Variants in PRUNE2 observed in about 807,000 individuals in gnomAD.
PRUNE2 encodes protein prune homolog 2.
Under a neutral mutation model 252.0 loss-of-function variants are expected in PRUNE2, and 164 were observed. The observed-to-expected ratio is 0.65, with a 90% CI of 0.57 to 0.74. PRUNE2 has a LOEUF of 0.74. PRUNE2 is among the 30% of genes least tolerant of loss of function. The pLI is 0.00. For synonymous variants in PRUNE2, 1,292 were observed against 1,350.2 expected (o/e 0.96, Z 0.94); for missense variants, 3,495 against 3,711.0 (o/e 0.94, Z 1.51).
rs779951568 is a variant in PRUNE2 at position 76,845,495 on chromosome 9, C to A, written c.508+1020G>T. Among the ~76,000 whole-genome samples, 10 of 152,244 alleles carry A rather than the reference C, an allele frequency of 6.6e-5. No homozygotes were observed. The South Asian group carries it at 1.2e-3, about 19-fold the overall frequency. ...GTTGAGGGCACAGTTTCCCATAGAG[C>A]GTTTTTACCGACATTCATTGCCAGG... On this transcript the variant is annotated intron_variant, in intron 4 of 18. Coordinates refer to ENST00000376718, the MANE Select transcript of PRUNE2 (RefSeq NM_015225.3).
At position 76,629,256 on chromosome 9, in the gene PRUNE2, T is replaced by C; in HGVS notation, c.9085A>G (p.Ser3029Gly). The part of the protein sequence containing the change: ...KFSSKIKYVN[S>G]LSELSGLIPM... ...ATCAGCCCACTGAGTTCTGATAAGCTATTGACATATTTAATTTTACTGCTG... is the reference window on the plus strand; with the variant it reads ...ATCAGCCCACTGAGTTCTGATAAGCCATTGACATATTTAATTTTACTGCTG... The change falls in exon 16 of 19, where the codon AGC becomes GGC. Residue 3029 changes from serine (S) to glycine (G), a missense_variant. By Grantham distance (56) the Ser-to-Gly change is moderately conservative (BLOSUM62 0). Coordinates refer to ENST00000376718, the MANE Select transcript of PRUNE2 (RefSeq NM_015225.3). 1 of 1,591,750 alleles carries C rather than the reference T, an allele frequency of 6.3e-7. No individual in the cohort carries two copies. The highest frequency in any genetic ancestry group is 1.3e-5 in the African/African-American group (1 of 74,130).
chr9:76,660,692 G>C (rs1305149289), intron 9 of PRUNE2, among the ~76,000 whole-genome samples: 1 of 146,360 alleles, frequency 6.8e-6, no homozygotes, highest in Non-Finnish European at 1.5e-5. Flanking sequence ...TGAGGCAGAA[G>C]AATCACCTGA....
intron 1 of PRUNE2, among the ~76,000 whole-genome samples, chr9:76,855,082 A>AAAAAAAAAAAAAATATATATATAT (rs1490285240): frequency 9.1e-6 from 1 of 109,414 alleles, no homozygotes; most frequent in African/African-American, 3.9e-5. Context: ...AAAAAAAAAA[A>AAAAAAAAAAAAAATATATATATAT]ATATATATAT....
intron 11 of PRUNE2, among the ~76,000 whole-genome samples, chr9:76,647,291 T>TA (rs1173639864): frequency 1.3e-5 from 2 of 152,256 alleles, no homozygotes; most frequent in African/African-American, 4.8e-5. Context: ...AAAGCAAAGA[T>TA]AGTCTTTTCA....
At chr9:76,683,182 G>C (rs1345012199) in intron 9 of PRUNE2, among the ~76,000 whole-genome samples, 2 of 152,174 alleles carry the variant, frequency 1.3e-5, no homozygotes, top group African/African-American at 4.8e-5. Context: ...CAGAGTCCCC[G>C]CCCCTGCCAG....
At chr9:76,713,809 AT>A in intron 6 of PRUNE2, 88 bp from the exon 7 acceptor site, 1 of 824,308 alleles carries the variant, frequency 1.2e-6, no homozygotes, top group African/African-American at 1.7e-5. Context: ...CTTATGATGT[AT>A]TTAGGAGAGA....
chr9:76,726,364 T>A (rs9314853), intron 6 of PRUNE2, among the ~76,000 whole-genome samples: 27,686 of 151,966 alleles, frequency 0.18, 2,942 homozygotes, highest in East Asian at 0.49. Flanking sequence ...ACTTTAGACA[T>A]CAAGCACGAA....
At chr9:76,878,231 G>T (rs982137807) in intron 1 of PRUNE2, among the ~76,000 whole-genome samples, 1 of 152,168 alleles carries the variant, frequency 6.6e-6, no homozygotes, top group Non-Finnish European at 1.5e-5. Context: ...TTTGAAGATG[G>T]CCAAAGAGAA....
chr9:76,686,716 G>C (rs1477571824), intron 9 of PRUNE2, among the ~76,000 whole-genome samples: 1 of 152,112 alleles, frequency 6.6e-6, no homozygotes, highest in African/African-American at 2.4e-5. Context: ...TTTGTCTCCA[G>C]AGTAGATGGG....
chr9:76,675,743 T>C (rs955763303), intron 9 of PRUNE2, among the ~76,000 whole-genome samples: 1 of 120,486 alleles, frequency 8.3e-6, no homozygotes, highest in African/African-American at 2.9e-5. Flanking sequence ...CCATAAAAAA[T>C]GATGAGTTCA....
intron 6 of PRUNE2, chr9:76,819,433 TCAGAA>T (rs2057903622): frequency 6.6e-6 from 1 of 152,004 alleles, no homozygotes; most frequent in African/African-American, 2.4e-5. Context: ...CAGCAAACCA[TCAGAA>T]GCTAGGGGAC....
chr9:76,847,922 T>G (rs1400138771), intron 3 of PRUNE2, among the ~76,000 whole-genome samples: 1 of 152,228 alleles, frequency 6.6e-6, no homozygotes, highest in Non-Finnish European at 1.5e-5. Context: ...ACAATTCACA[T>G]TCCAATTGAT....
intron 6 of PRUNE2, among the ~76,000 whole-genome samples, chr9:76,763,831 T>C (rs964560588): frequency 6.0e-5 from 8 of 132,338 alleles, no homozygotes; most frequent in Admixed American, 1.4e-4. Context: ...CTTTCTTCTG[T>C]GTTTAGACAG....
intron 6 of PRUNE2, among the ~76,000 whole-genome samples, chr9:76,771,412 A>G (rs2053088736): frequency 1.3e-5 from 2 of 152,206 alleles, no homozygotes; most frequent in Non-Finnish European, 2.9e-5. Flanking sequence ...AAGTCCTACT[A>G]TATGCTGGGC....
rs7858754 is a variant in PRUNE2, at chr9:76,713,773, G to A, written c.757-52C>T. 1,677 of 1,367,132 alleles carry A rather than the reference G, an allele frequency of 1.2e-3. 20 individuals are homozygous for A. The African/African-American group carries it at 0.021, about 17-fold the overall frequency. 84.7% of individuals were successfully genotyped at this position (1,367,132 alleles called of 1,614,324 possible). On this transcript the variant is annotated intron_variant, in intron 6 of 18. Coordinates refer to ENST00000376718, the MANE Select transcript of PRUNE2 (RefSeq NM_015225.3). Reference sequence around the variant, plus strand: ...TTAATGTCAAACTGCCCAGCTGCGGGGAGTTGTTCCACAAATTTGTCCAGT... The same window carrying A: ...TTAATGTCAAACTGCCCAGCTGCGGAGAGTTGTTCCACAAATTTGTCCAGT...
intron 1 of PRUNE2, among the ~76,000 whole-genome samples, chr9:76,881,985 C>A (rs1329772413): frequency 6.6e-6 from 1 of 152,084 alleles, no homozygotes. Flanking sequence ...TGGCTTCTTT[C>A]ACTTTGCATA....
chr9:76,652,278 G>A, intron 11 of PRUNE2: 2 of 544,540 alleles, frequency 3.7e-6, no homozygotes, highest in South Asian at 2.5e-5. Context: ...GGTTAATAAA[G>A]AGCAATGGTT....
chr9:76,881,188 G>A (rs185175570), intron 1 of PRUNE2, among the ~76,000 whole-genome samples: 1,696 of 152,046 alleles, frequency 0.011, 31 homozygotes, highest in African/African-American at 0.038. Flanking sequence ...GGCTGGTCTC[G>A]AACTCCTGAC....
intron 1 of PRUNE2, among the ~76,000 whole-genome samples, chr9:76,883,083 G>A (rs1368833253): frequency 6.6e-6 from 1 of 152,128 alleles, no homozygotes; most frequent in East Asian, 1.9e-4. Flanking sequence ...CATTTACCAA[G>A]AATCATTCAC....
Sources: allele counts gnomAD v4.1 joint callset (sites outside exome capture counted in the v4.1 genomes callset), GRCh38; gene constraint gnomAD v4.1.1; transcripts MANE v1.5; gene names NCBI Gene and HGNC (gene_info 2026-07-23, HGNC 2026-07-21).